NSMAF: variants seen among roughly 807,000 people sequenced by gnomAD.
NSMAF encodes neutral sphingomyelinase activation associated factor.
NSMAF carries 90 observed loss-of-function variants against 134.9 expected under a neutral mutation model. That is an observed-to-expected ratio of 0.67 (90% CI 0.56 to 0.79). The LOEUF is 0.79. Ranked by LOEUF, NSMAF falls within the 30% of genes least tolerant of loss-of-function variation. The pLI, the probability that NSMAF is intolerant of heterozygous loss-of-function variation, is 0.00. For synonymous variants in NSMAF, 358 were observed against 389.6 expected, an observed-to-expected ratio of 0.92 and a Z score of 0.96; for missense variants, 1,010 against 1,119.0, an observed-to-expected ratio of 0.90 and a Z score of 1.39.
At chr8:58,615,686 A>T (rs188231442) in intron 9 of NSMAF, among the ~76,000 whole-genome samples, 43 of 152,348 alleles carry the variant, frequency 2.8e-4, no homozygotes, top group Admixed American at 2.7e-3. Flanking sequence ...GCAGTGCTTA[A>T]AGAGAAAATT....
chr8:58,617,826 A>G (rs1806696936), intron 9 of NSMAF, among the ~76,000 whole-genome samples: 1 of 152,224 alleles, frequency 6.6e-6, no homozygotes. Context: ...TACCCAAAGG[A>G]TTATAAATCA....
At chr8:58,596,657 C>T (rs577962782) in intron 21 of NSMAF, among the ~76,000 whole-genome samples, 4 of 152,242 alleles carry the variant, frequency 2.6e-5, no homozygotes, top group Admixed American at 1.3e-4. Flanking sequence ...GGGCCGAGCG[C>T]GGTGGCTCAG....
chr8:58,645,879 AAAAGTAC>A (rs943446878), intron 1 of NSMAF, among the ~76,000 whole-genome samples: 23 of 152,076 alleles, frequency 1.5e-4, no homozygotes, highest in Admixed American at 1.5e-3. Context: ...CCTCTCTACT[AAAAGTAC>A]AAAAATTAGC....
At chr8:58,613,506 G>A (rs1017265741) in intron 9 of NSMAF, among the ~76,000 whole-genome samples, 4 of 151,738 alleles carry the variant, frequency 2.6e-5, no homozygotes, top group Non-Finnish European at 4.4e-5. Flanking sequence ...ATAAAATGGA[G>A]TACTGAAAAA....
intron 7 of NSMAF, 66 bp downstream of exon 7, chr8:58,623,643 T>G (rs2129144423): frequency 7.2e-7 from 1 of 1,382,436 alleles, no homozygotes; most frequent in South Asian, 1.2e-5. Context: ...GGTATATAAA[T>G]ACGAAATTTA....
At chr8:58,635,141 A>T in intron 5 of NSMAF, 48 bp downstream of exon 5, 1 of 1,366,174 alleles carries the variant, frequency 7.3e-7, no homozygotes, top group Non-Finnish European at 1.0e-6. Context: ...ATGCACATAT[A>T]TAAGAATGTT....
chr8:58,597,617 AAATAGTACTGATC>A (rs1246420715), intron 20 of NSMAF, 67 bp from the exon 21 acceptor site: 5 of 1,448,998 alleles, frequency 3.5e-6, no homozygotes, highest in Admixed American at 1.7e-5. Flanking sequence ...CACGCATTTC[AAATAGTACTGATC>A]AATAGGAGGG....
At chr8:58,645,312 T>C (rs903308875) in intron 1 of NSMAF, among the ~76,000 whole-genome samples, 3 of 151,952 alleles carry the variant, frequency 2.0e-5, no homozygotes, top group Non-Finnish European at 4.4e-5. Flanking sequence ...TCAGGCACAG[T>C]GGAGAGCAGG....
intron 2 of NSMAF, among the ~76,000 whole-genome samples, chr8:58,641,324 A>G (rs1018670405): frequency 1.3e-5 from 2 of 152,226 alleles, no homozygotes; most frequent in African/African-American, 2.4e-5. Flanking sequence ...TAAAATGTTT[A>G]TATGGTTCCA....
intron 6 of NSMAF, among the ~76,000 whole-genome samples, chr8:58,629,936 T>C (rs535298170): frequency 8.5e-4 from 130 of 152,220 alleles, no homozygotes; most frequent in African/African-American, 2.7e-3. Flanking sequence ...GCATCTAGAG[T>C]ATGCAGGGTT....
At chr8:58,659,463 T>TC in intron 1 of NSMAF, 110 bp downstream of exon 1, 1 of 1,476,744 alleles carries the variant, frequency 6.8e-7, no homozygotes, top group African/African-American at 1.5e-5. Context: ...GGCCCCTGCC[T>TC]CCGTGCCCGG....
At chr8:58,647,232 C>A (rs1336044278) in intron 1 of NSMAF, among the ~76,000 whole-genome samples, 1 of 152,202 alleles carries the variant, frequency 6.6e-6, no homozygotes, top group Non-Finnish European at 1.5e-5. Flanking sequence ...TATTTGCCAC[C>A]TCTACTCTCA....
chr8:58,608,546 A>G (rs1313028116), intron 10 of NSMAF, among the ~76,000 whole-genome samples: 1 of 152,170 alleles, frequency 6.6e-6, no homozygotes, highest in African/African-American at 2.4e-5. Context: ...GGTCTTGGAA[A>G]TGACTGGTCA....
intron 13 of NSMAF, 122 bp downstream of exon 13, chr8:58,603,088 G>T: frequency 1.1e-6 from 1 of 929,132 alleles, no homozygotes; most frequent in Non-Finnish European, 1.7e-6. Context: ...CAACTGAAAT[G>T]AGTTGTAATT....
At position 58,603,292 on chromosome 8, in the gene NSMAF, GT is replaced by G; in HGVS notation, c.962del (p.Asn321ThrfsTer19). ...GGTCGTTGCAGCTGCGGTCGGCCAG[GT>G]TGTTGAGGTGAAGGAGGTACTGATA... ...SNYQYLLHLN[N>X]LADRSCNDLS... On this transcript the variant is annotated frameshift_variant, in exon 13 of 31. Coordinates refer to ENST00000038176, the MANE Select transcript of NSMAF (RefSeq NM_003580.4). LOFTEE classifies it high-confidence loss of function. 4 of 1,614,214 alleles carry G rather than the reference GT, an allele frequency of 2.5e-6. No individual in the cohort carries two copies. Among genetic ancestry groups the G allele is most frequent in the Non-Finnish European group, 3.4e-6 (4 of 1,180,042 alleles).
At position 58,597,549 on chromosome 8, in the gene NSMAF, T is replaced by A. The variant is rs1234666674; in HGVS notation, c.1630A>T (p.Ile544Phe). ...TYEGGVDLNS[I>F]QDPDEKVAML... is the part of the protein sequence containing the mutation. ...GCTACCTTCTCATCAGGATCCTGGATGCTTTGGGACAGAACACAAATAATG... is the reference window on the plus strand; with the variant it reads ...GCTACCTTCTCATCAGGATCCTGGAAGCTTTGGGACAGAACACAAATAATG... Residue 544 changes from isoleucine (I) to phenylalanine (F), a missense_variant and splice_region_variant, in exon 21 of 31, where the codon ATC becomes TTC. By Grantham distance (21) the Ile-to-Phe change is conservative. Coordinates refer to ENST00000038176, the MANE Select transcript of NSMAF (RefSeq NM_003580.4). 2.5e-6 allele frequency: 4 copies of A among 1,614,020 alleles called. No homozygotes were observed. The highest frequency in any genetic ancestry group is 3.4e-6 in the Non-Finnish European group (4 of 1,179,904).
Position 58,607,754 on chromosome 8 carries a change from C to T in NSMAF, c.759+15G>A. 6.2e-7 allele frequency: 1 copy of T among 1,608,884 alleles called. No individual in the cohort carries two copies. Among genetic ancestry groups the T allele is most frequent in the East Asian group, 2.2e-5 (1 of 44,868 alleles). ...TGTGACAATCATGCCCCAGCACAGCCTCCCAAGGACTCACCAGAGGCATGA... is the reference window on the plus strand; with the variant it reads ...TGTGACAATCATGCCCCAGCACAGCTTCCCAAGGACTCACCAGAGGCATGA... On this transcript the variant is annotated intron_variant, in intron 11 of 30. Transcript: ENST00000038176.
chr8:58,648,197 C>A (rs532554172), intron 1 of NSMAF, among the ~76,000 whole-genome samples: 1 of 152,250 alleles, frequency 6.6e-6, no homozygotes, highest in African/African-American at 2.4e-5. Flanking sequence ...GAAGGTTGAA[C>A]TTAAGAGTAA....
intron 26 of NSMAF, 106 bp downstream of exon 26, chr8:58,589,346 G>C: frequency 1.3e-6 from 1 of 781,914 alleles, no homozygotes; most frequent in Non-Finnish European, 1.8e-6. Flanking sequence ...ATTAGCAATA[G>C]GTAGTTGAGT....
Sources: gnomAD v4.1 joint callset for allele counts (sites outside exome capture counted in the v4.1 genomes callset) on GRCh38, gnomAD v4.1.1 for gene constraint, MANE v1.5 for transcripts, NCBI Gene and HGNC (gene_info 2026-07-23, HGNC 2026-07-21) for gene names.